DNHD1: variants seen among roughly 807,000 people sequenced by gnomAD.
DNHD1 encodes dynein heavy chain domain 1.
DNHD1 carries 383 observed loss-of-function variants against 458.1 expected under a neutral mutation model. The observed-to-expected ratio is 0.84, with a 90% CI of 0.77 to 0.91. The LOEUF is 0.91. DNHD1 is among the 40% of genes least tolerant of loss of function. DNHD1 has a pLI of 0.00. For synonymous variants in DNHD1, 2,203 were observed against 2,376.9 expected, an observed-to-expected ratio of 0.93 and a Z score of 2.13; for missense variants, 5,336 against 5,866.1, an observed-to-expected ratio of 0.91 and a Z score of 2.95.
rs540755579 is a variant in DNHD1 at position 6,497,957 on chromosome 11, C to G, written c.-259C>G. 1.9e-6 allele frequency: 1 copy of G among 532,866 alleles called. No homozygotes were observed. Among genetic ancestry groups the G allele is most frequent in the East Asian group, 3.3e-5 (1 of 30,720 alleles). The allele number at this position is 532,866 out of a possible 1,614,324, so 33.0% of individuals were successfully genotyped here. On this transcript the variant is annotated 5_prime_UTR_variant, in exon 3 of 43. Transcript: ENST00000254579. ...GTCTTTGGGGAAGCAGTAGGGAGGG[C>G]CTGAGGGTCTCAGGAAAGGCTCTCT...
At position 6,511,349 on chromosome 11, in the gene DNHD1, A is replaced by G. The variant is rs748703587; in HGVS notation, c.1312A>G (p.Thr438Ala). Reference sequence around the variant, plus strand: ...GTGCTATGAGCTGCTGGACCTGCAGACGGCTCTAGCCGAGGAGAAGCATAA... The same window carrying G: ...GTGCTATGAGCTGCTGGACCTGCAGGCGGCTCTAGCCGAGGAGAAGCATAA... ...DRCYELLDLQ[T>A]ALAEEKHKAL... The change falls in exon 7 of 43, where the codon ACG becomes GCG. Residue 438 changes from threonine (T) to alanine (A), a missense_variant. Around this residue, in one of 4 missense-constraint regions of DNHD1, gnomAD observed 3,932 missense variants for 4,365.6 expected, o/e 0.90. Transcript: ENST00000254579. 5 of 1,614,216 alleles carry G rather than the reference A, an allele frequency of 3.1e-6. No individual in the cohort carries two copies. Among genetic ancestry groups the G allele is most frequent in the Non-Finnish European group, 4.2e-6 (5 of 1,180,038 alleles).
chr11:6,553,936 T>A (rs767083295), intron 24 of DNHD1, among the ~76,000 whole-genome samples: 1 of 150,442 alleles, frequency 6.6e-6, no homozygotes, highest in African/African-American at 2.4e-5. Flanking sequence ...ATAGATTCAA[T>A]GCAATGCCAA....
At chr11:6,518,029 AATG>A in intron 7 of DNHD1, among the ~76,000 whole-genome samples, 1 of 152,284 alleles carries the variant, frequency 6.6e-6, no homozygotes, top group Non-Finnish European at 1.5e-5. Context: ...CTCAAACTTT[AATG>A]ATATTCTGGC....
Position 6,538,808 on chromosome 11 carries a change from G to T in DNHD1, c.3323G>T (p.Arg1108Leu). 2.0e-6 allele frequency: 3 copies of T among 1,504,446 alleles called. No homozygotes were observed. Among genetic ancestry groups the T allele is most frequent in the Non-Finnish European group, 2.7e-6 (3 of 1,119,308 alleles). 93.2% of individuals were successfully genotyped at this position (1,504,446 alleles called of 1,614,324 possible). A position where few individuals can be genotyped will look rare whatever the true frequency, so the allele number is the denominator to read the frequency against. Residue 1108 changes from arginine to leucine, a missense_variant and splice_region_variant, in exon 16 of 43, where the codon CGT (arginine) becomes CTT (leucine). This residue lies in a region of DNHD1 where 3,932 missense variants were observed against 4,365.6 expected (regional missense o/e 0.90). Transcript: ENST00000254579. ...AGCCTCAACTGCCAGTGTCTCCTGCGTGGTATGTTTGGTTAATGTCAGAGG... is the reference window on the plus strand; with the variant it reads ...AGCCTCAACTGCCAGTGTCTCCTGCTTGGTATGTTTGGTTAATGTCAGAGG... ...PQSLNCQCLLRALGLGSLQTI... is the reference protein window; with the variant it reads ...PQSLNCQCLLLALGLGSLQTI...
At chr11:6,525,078 T>C (rs1469296706) in intron 10 of DNHD1, among the ~76,000 whole-genome samples, 1 of 152,200 alleles carries the variant, frequency 6.6e-6, no homozygotes, top group Non-Finnish European at 1.5e-5. Flanking sequence ...TTTTGTTTTT[T>C]CATTCTCAGG....
intron 3 of DNHD1, among the ~76,000 whole-genome samples, chr11:6,499,225 G>T (rs749677226): frequency 4.6e-5 from 7 of 152,220 alleles, no homozygotes; most frequent in Non-Finnish European, 7.3e-5. Context: ...CAAAGCTTTA[G>T]AATAACAGCT....
intron 33 of DNHD1, 23 bp from the exon 34 acceptor site, chr11:6,566,218 G>T (rs1853692433): frequency 3.9e-6 from 6 of 1,549,044 alleles, no homozygotes; most frequent in Non-Finnish European, 4.4e-6. Context: ...TGTGGGTAGG[G>T]TGCCTTTGCC....
chr11:6,566,869 T>A, intron 35 of DNHD1, 26 bp from the exon 36 acceptor site: 1 of 1,606,030 alleles, frequency 6.2e-7, no homozygotes. Flanking sequence ...AAGGGCCAGA[T>A]CCATCCAACA....
At position 6,511,426 on chromosome 11, in the gene DNHD1, A is replaced by G. The variant is rs1276263296; in HGVS notation, c.1389A>G (p.Arg463=). The G allele has an allele frequency of 6.2e-7, 1 of 1,613,940 alleles. No individual in the cohort carries two copies. Among genetic ancestry groups the G allele is most frequent in the Non-Finnish European group, 8.5e-7 (1 of 1,179,954 alleles). The change falls in exon 7 of 43, where the codon CGA becomes CGG. Residue 463 remains arginine, a synonymous_variant. Transcript: ENST00000254579. ...RCLNLCTSIL[R]LVHEDTYHMQ... is the part of the protein sequence containing the mutation. Reference sequence around the variant, plus strand: ...TAAACCTCTGCACATCCATTCTTCGACTGGTAAGAGGCTCTTAGTTTATTG... The same window carrying G: ...TAAACCTCTGCACATCCATTCTTCGGCTGGTAAGAGGCTCTTAGTTTATTG...
Position 6,571,339 on chromosome 11 carries a change from G to T in DNHD1, c.13827G>T (p.Ser4609=). The change falls in exon 42 of 43, where the codon TCG becomes TCT. Residue 4609 remains serine, a synonymous_variant. Coordinates refer to ENST00000254579, the MANE Select transcript of DNHD1 (RefSeq NM_144666.3). This position sits in a 1 kb window ranked among gnomAD's most constrained non-coding sequence, Gnocchi z 5.0. ...EAALDQNVPS[S]NFPGSRGSVS... is the part of the protein sequence containing the mutation. Reference sequence around the variant, plus strand: ...CCCTGGACCAGAATGTGCCCAGCTCGAATTTCCCTGGTAGCCGAGGCTCGG... The same window carrying T: ...CCCTGGACCAGAATGTGCCCAGCTCTAATTTCCCTGGTAGCCGAGGCTCGG... 1 of 1,612,406 alleles carries T rather than the reference G, an allele frequency of 6.2e-7. No homozygotes were observed.
At chr11:6,553,950 A>G (rs1224463160) in intron 24 of DNHD1, among the ~76,000 whole-genome samples, 1 of 133,224 alleles carries the variant, frequency 7.5e-6, no homozygotes, top group Non-Finnish European at 1.7e-5. Flanking sequence ...ATGCCAAGCT[A>G]AATCTTAACA....
rs1169459110 is a variant in DNHD1, at chr11:6,558,699, C to A, written c.9211+6C>A. 3.2e-6 allele frequency: 5 copies of A among 1,548,038 alleles called. No individual in the cohort carries two copies. The highest frequency in any genetic ancestry group is 4.4e-6 in the Non-Finnish European group (5 of 1,146,910). ...GAGTGTGCCCCTTGATGACGGTAAG[C>A]CCTTTTTACTTGTCCTTACCACTCA... On this transcript the variant is annotated splice_donor_region_variant and intron_variant, in intron 26 of 42. Transcript: ENST00000254579.
intron 14 of DNHD1, 59 bp from the exon 15 acceptor site, chr11:6,538,324 C>T (rs1650205653): frequency 6.5e-7 from 1 of 1,527,494 alleles, no homozygotes; most frequent in Non-Finnish European, 8.9e-7. Context: ...CTGATCATTC[C>T]ACCACCCCCC....
At position 6,529,112 on chromosome 11, in the gene DNHD1, G is replaced by A; in HGVS notation, c.2338G>A (p.Ala780Thr). 6.5e-7 allele frequency: 1 copy of A among 1,550,120 alleles called. No homozygotes were observed. Among genetic ancestry groups the A allele is most frequent in the Non-Finnish European group, 8.7e-7 (1 of 1,146,944 alleles). The change falls in exon 12 of 43, where the codon GCA becomes ACA. Residue 780 changes from alanine to threonine, a missense_variant. Coordinates refer to ENST00000254579, the MANE Select transcript of DNHD1 (RefSeq NM_144666.3). Reference sequence around the variant, plus strand: ...GCTACTTAGCTGCCATGATGTACAGGCAGAGATGGGTGAGTACTGCTTCTC... The same window carrying A: ...GCTACTTAGCTGCCATGATGTACAGACAGAGATGGGTGAGTACTGCTTCTC... ...LLLLSCHDVQ[A>T]EMESKLNSIR... is the part of the protein sequence containing the mutation.
chr11:6,557,081 C>G lies in DNHD1; in HGVS notation c.7786C>G (p.His2596Asp), dbSNP rs1342951015. 6.4e-7 allele frequency: 1 copy of G among 1,551,772 alleles called. No homozygotes were observed. The highest frequency in any genetic ancestry group is 2.0e-5 in the Admixed American group (1 of 51,016). The change falls in exon 25 of 43, where the codon CAC (histidine) becomes GAC (aspartate). Residue 2596 changes from histidine to aspartate, a missense_variant. By Grantham distance (81) the His-to-Asp change is moderately conservative. Around this residue, in one of 4 missense-constraint regions of DNHD1, gnomAD observed 3,932 missense variants for 4,365.6 expected, o/e 0.90. Transcript: ENST00000254579. ...HYHFSLHSVS[H>D]LLSSLQLLPN... ...CCACTTCTCCCTACACTCTGTGAGCCACCTACTGAGCAGCCTGCAGCTGCT... is the reference window on the plus strand; with the variant it reads ...CCACTTCTCCCTACACTCTGTGAGCGACCTACTGAGCAGCCTGCAGCTGCT...
Position 6,518,803 on chromosome 11 carries a change from C to T in DNHD1, c.1393-797C>T, listed in dbSNP as rs183397182. ...TAGGGCATGTTTGTATATGATGTCC[C>T]GTGCTTAGGACTTAACTGTCTTATG... is the stretch of plus-strand genomic sequence containing the variant. On this transcript the variant is annotated intron_variant, in intron 7 of 42. Transcript: ENST00000254579. Among the ~76,000 whole-genome samples the T allele has an allele frequency of 1.6e-3, 238 of 152,178 alleles. 1 individual carries two copies. Among genetic ancestry groups the T allele is most frequent in the African/African-American group, 4.4e-3 (183 of 41,522 alleles).
At chr11:6,506,450 A>G (rs1447224839) in intron 4 of DNHD1, among the ~76,000 whole-genome samples, 2 of 152,132 alleles carry the variant, frequency 1.3e-5, no homozygotes, top group African/African-American at 2.4e-5. Flanking sequence ...TAGTTGGCCT[A>G]GTTTTTCTAG....
In DNHD1 at chr11:6,566,383, C is replaced by A. The variant is rs547118923; in HGVS notation, c.11196C>A (p.Ala3732=). The change falls in exon 34 of 43, where the codon GCC becomes GCA. Residue 3732 remains alanine (A), a synonymous_variant. Transcript: ENST00000254579. Reference sequence around the variant, plus strand: ...TCAGCACCACCCTCTCCCTCTGTGCCATGGAAAAAGGTGAGGCCCAGAGGG... The same window carrying A: ...TCAGCACCACCCTCTCCCTCTGTGCAATGGAAAAAGGTGAGGCCCAGAGGG... ...LYLSTTLSLC[A]MEKVLGCELL... The A allele has an allele frequency of 1.0e-4, 162 of 1,559,186 alleles. 2 individuals carry two copies. The South Asian group carries it at 1.7e-3, about 16-fold the overall frequency.
chr11:6,571,003 C>T lies in DNHD1; in HGVS notation c.13491C>T (p.Gly4497=). ...TEALELSQLV[G]TLQRDLDCLL... is the part of the protein sequence containing the mutation. The stretch of plus-strand genomic sequence containing the variant: ...CTCTAGAACTGAGCCAGTTGGTGGG[C>T]ACGCTACAACGCGACCTTGATTGCC... Residue 4497 remains glycine (G), a synonymous_variant, in exon 42 of 43, where the codon GGC becomes GGT. Coordinates refer to ENST00000254579, the MANE Select transcript of DNHD1 (RefSeq NM_144666.3). This position sits in a 1 kb window ranked among gnomAD's most constrained non-coding sequence, Gnocchi z 5.0. The T allele has an allele frequency of 6.3e-7, 1 of 1,599,098 alleles. No individual in the cohort carries two copies. Among genetic ancestry groups the T allele is most frequent in the East Asian group, 2.2e-5 (1 of 44,594 alleles).
Sources: gnomAD v4.1 joint callset for allele counts (sites outside exome capture counted in the v4.1 genomes callset) on GRCh38, gnomAD v4.1.1 for gene constraint, gnomAD v4.1.1 regional missense constraint, Gnocchi (gnomAD v3.1) non-coding constraint, MANE v1.5 for transcripts, NCBI Gene and HGNC (gene_info 2026-07-23, HGNC 2026-07-21) for gene names.